Variants in TDRD3 observed in about 807,000 individuals in gnomAD.
TDRD3 encodes the protein tudor domain containing 3, also known as tudor domain-containing protein 3.
A neutral mutation model predicts 86.7 loss-of-function variants in TDRD3; 45 were observed. That is an observed-to-expected ratio of 0.52 (90% CI 0.41 to 0.67). The LOEUF (loss-of-function observed/expected upper bound fraction) is 0.67, where lower values mean the gene tolerates loss of function less well. Ranked by LOEUF, TDRD3 falls within the 30% of genes least tolerant of loss-of-function variation. The pLI is 0.00. For missense variants in TDRD3, 814 were observed against 889.0 expected (o/e 0.92, Z 1.07); for synonymous variants, 298 against 301.7 (o/e 0.99, Z 0.13).
At chr13:60,467,500 G>A in intron 5 of TDRD3, 121 bp downstream of exon 5, 2 of 1,087,856 alleles carry the variant, frequency 1.8e-6, no homozygotes, top group Non-Finnish European at 2.6e-6. Flanking sequence ...AATGGAATAT[G>A]ATTATCTTTA....
chr13:60,402,163 A>G (rs1286252480), intron 1 of TDRD3, among the ~76,000 whole-genome samples: 2 of 152,208 alleles, frequency 1.3e-5, no homozygotes, highest in Admixed American at 6.5e-5. Context: ...CAAACACATT[A>G]ATGATCATGA....
chr13:60,542,741 C>T (rs1957845121), intron 12 of TDRD3, among the ~76,000 whole-genome samples: 1 of 152,152 alleles, frequency 6.6e-6, no homozygotes, highest in Non-Finnish European at 1.5e-5. Flanking sequence ...TTTAGTCTTA[C>T]TTTTATCGTC....
chr13:60,498,918 G>C (rs1340296617), intron 8 of TDRD3, among the ~76,000 whole-genome samples: 1 of 152,146 alleles, frequency 6.6e-6, no homozygotes, highest in Non-Finnish European at 1.5e-5. Flanking sequence ...TTTTAGCTCA[G>C]GTCCAAATTA....
chr13:60,533,074 A>C (rs1293709735), intron 11 of TDRD3, among the ~76,000 whole-genome samples: 1 of 152,214 alleles, frequency 6.6e-6, no homozygotes, highest in Non-Finnish European at 1.5e-5. Flanking sequence ...CACAGAACAC[A>C]AAAGTGTGGG....
chr13:60,535,391 C>A, intron 12 of TDRD3, 158 bp downstream of exon 12: 2 of 645,466 alleles, frequency 3.1e-6, no homozygotes, highest in South Asian at 4.2e-5. Flanking sequence ...TCAATGCTTA[C>A]ACTGAATGAA....
At chr13:60,514,680 G>A (rs1053801112) in intron 10 of TDRD3, among the ~76,000 whole-genome samples, 1 of 152,174 alleles carries the variant, frequency 6.6e-6, no homozygotes, top group African/African-American at 2.4e-5. Flanking sequence ...ATGTATGGTA[G>A]AGGTAGTGCT....
At chr13:60,567,798 A>G in intron 13 of TDRD3, 148 bp downstream of exon 13, 1 of 1,046,178 alleles carries the variant, frequency 9.6e-7, no homozygotes, top group Non-Finnish European at 1.3e-6. Flanking sequence ...ATCTCGGCTC[A>G]CTGTAACTTC....
Position 60,567,544 on chromosome 13 carries a change from A to C in TDRD3, c.2138A>C (p.Asp713Ala), listed in dbSNP as rs1233796751. The change falls in exon 13 of 14, where the codon GAT becomes GCT. Residue 713 changes from aspartate to alanine, a missense_variant. By Grantham distance (126) the Asp-to-Ala change is moderately radical. Transcript: ENST00000377881. ...TEAWEEEGTY[D>A]QTLEFRRGGD... ...AAATAGGAGGAAGAAGGCACCTACG[A>C]TCAAACTCTGGAGTTCCGTAGGGGA... 6.2e-7 allele frequency: 1 copy of C among 1,614,142 alleles called. No homozygotes were observed. Among genetic ancestry groups the C allele is most frequent in the Admixed American group, 1.7e-5 (1 of 60,012 alleles).
At position 60,573,630 on chromosome 13, in the gene TDRD3, A is replaced by T. The variant is rs1006838170; in HGVS notation, c.*24A>T. On this transcript the variant is annotated 3_prime_UTR_variant, in exon 14 of 14. Coordinates refer to ENST00000377881, the MANE Select transcript of TDRD3 (RefSeq NM_001146070.2). ...TTTTAAAGTAGACTCTTTGTGAAGA[A>T]ACGAGCCAGTGACTGAAACACCCTG... 10 of 985,314 alleles carry T rather than the reference A, an allele frequency of 1.0e-5. No homozygotes were observed. Among genetic ancestry groups the T allele is most frequent in the Non-Finnish European group, 1.2e-5 (10 of 829,928 alleles). The allele number at this position is 985,314 out of a possible 1,614,324, so 61.0% of individuals were successfully genotyped here.
chr13:60,451,136 C>T (rs149846531), intron 3 of TDRD3, among the ~76,000 whole-genome samples: 1 of 152,292 alleles, frequency 6.6e-6, no homozygotes, highest in East Asian at 1.9e-4. Flanking sequence ...TGAATTATCT[C>T]CCTGTGGGGG....
Position 60,530,633 on chromosome 13 carries a change from T to A in TDRD3, c.1992+1416T>A, listed in dbSNP as rs1277663501. Among the ~76,000 whole-genome samples the A allele has an allele frequency of 4.6e-5, 7 of 150,658 alleles. No homozygotes were observed. In the South Asian group the frequency reaches 8.4e-4, roughly 18 times the overall value. Reference sequence around the variant, plus strand: ...TTTTTTGTATTTTTTTTTTTTTTTTTAAGTAGAGACAGGGTTTCACCATGT... The same window carrying A: ...TTTTTTGTATTTTTTTTTTTTTTTTAAAGTAGAGACAGGGTTTCACCATGT... On this transcript the variant is annotated intron_variant, in intron 11 of 13. Transcript: ENST00000377881.
chr13:60,566,790 A>G (rs1406315552), intron 12 of TDRD3, among the ~76,000 whole-genome samples: 3 of 152,182 alleles, frequency 2.0e-5, no homozygotes, highest in Admixed American at 1.3e-4. Context: ...AAATATTATC[A>G]TTAACTATAC....
At chr13:60,509,577 A>G (rs1299047026) in intron 8 of TDRD3, 186 bp from the exon 9 acceptor site, 5 of 691,034 alleles carry the variant, frequency 7.2e-6, no homozygotes, top group African/African-American at 5.3e-5. Flanking sequence ...TCAAGGCACA[A>G]CCCCACATAT....
chr13:60,458,593 C>T (rs190655659), intron 3 of TDRD3, among the ~76,000 whole-genome samples: 19 of 152,214 alleles, frequency 1.2e-4, no homozygotes, highest in Non-Finnish European at 2.4e-4. Flanking sequence ...AATGGAAGTG[C>T]GGTGCCTAGG....
At chr13:60,454,026 A>G (rs1955607590) in intron 3 of TDRD3, among the ~76,000 whole-genome samples, 1 of 152,098 alleles carries the variant, frequency 6.6e-6, no homozygotes, top group Non-Finnish European at 1.5e-5. Context: ...ACATAACTTT[A>G]TATTCAGGTA....
chr13:60,512,904 G>C (rs1007142044), intron 10 of TDRD3, among the ~76,000 whole-genome samples: 1 of 152,154 alleles, frequency 6.6e-6, no homozygotes, highest in Non-Finnish European at 1.5e-5. Flanking sequence ...TCTGGAGGAT[G>C]GTGGCCCTCT....
intron 8 of TDRD3, among the ~76,000 whole-genome samples, chr13:60,506,511 C>G (rs1027278648): frequency 6.6e-6 from 1 of 152,122 alleles, no homozygotes; most frequent in Admixed American, 6.5e-5. Flanking sequence ...TTTTGGAGGC[C>G]AGGGTGGGCG....
intron 12 of TDRD3, among the ~76,000 whole-genome samples, chr13:60,546,914 A>G (rs1957952183): frequency 6.6e-6 from 1 of 152,138 alleles, no homozygotes; most frequent in Non-Finnish European, 1.5e-5. Context: ...CGTCTTCAAC[A>G]TGTCGCACTG....
chr13:60,509,752 A>T lies in TDRD3; in HGVS notation c.859-11A>T. 1 of 1,613,480 alleles carries T rather than the reference A, an allele frequency of 6.2e-7. No homozygotes were observed. The highest frequency in any genetic ancestry group is 8.5e-7 in the Non-Finnish European group (1 of 1,179,476). On this transcript the variant is annotated splice_polypyrimidine_tract_variant and intron_variant, in intron 8 of 13. Coordinates refer to ENST00000377881, the MANE Select transcript of TDRD3 (RefSeq NM_001146070.2). ...GGGCTATCAGCCAGCTTTTCTCTTT[A>T]TTCCTTCCAGGTTGATGAGAAAGCT...
Sources: gnomAD v4.1 joint callset for allele counts (sites outside exome capture counted in the v4.1 genomes callset) on GRCh38, gnomAD v4.1.1 for gene constraint, MANE v1.5 for transcripts, NCBI Gene and HGNC (gene_info 2026-07-23, HGNC 2026-07-21) for gene names.